The following MALRD1 variants were observed in gnomAD, a reference collection of about 807,000 sequenced individuals.
MALRD1 encodes the protein MAM and LDL-receptor class A domain-containing protein 1.
MALRD1 carries 247 observed loss-of-function variants against 242.1 expected under a neutral mutation model. The observed-to-expected ratio is 1.02, with a 90% CI of 0.92 to 1.13. The LOEUF is 1.13. Ranked by LOEUF, MALRD1 falls within the 50% of genes most tolerant of loss-of-function variation. The pLI, the probability that MALRD1 is intolerant of heterozygous loss-of-function variation, is 0.00. For synonymous variants in MALRD1, 995 were observed against 866.6 expected, an observed-to-expected ratio of 1.15 and a Z score of -2.60; for missense variants, 2,989 against 2,533.1, an observed-to-expected ratio of 1.18 and a Z score of -3.86.
At position 19,157,449 on chromosome 10, in the gene MALRD1, A is replaced by G. The variant is rs553460576; in HGVS notation, c.1656+2277A>G. Among the ~76,000 whole-genome samples, 53 of 151,954 alleles carry G rather than the reference A, an allele frequency of 3.5e-4. No homozygotes were observed. In the South Asian group the frequency reaches 6.2e-3, roughly 18 times the overall value. ...TTTTTAGTGGAGTCGGGGTTTCACC[A>G]TGTTATCCAGGATGGTCTCGATCTC... is the stretch of plus-strand genomic sequence containing the variant. On this transcript the variant is annotated intron_variant, in intron 12 of 39. Coordinates refer to ENST00000454679, the MANE Select transcript of MALRD1 (RefSeq NM_001142308.3).
intron 29 of MALRD1, among the ~76,000 whole-genome samples, chr10:19,471,142 T>C (rs1015383263): frequency 6.6e-6 from 1 of 151,918 alleles, no homozygotes; most frequent in African/African-American, 2.4e-5. Context: ...TGCATTCTTG[T>C]GCATGTGGGT....
Position 19,679,700 on chromosome 10 carries a change from G to A in MALRD1, c.6138-12582G>A, listed in dbSNP as rs558722795. Among the ~76,000 whole-genome samples, 4 of 151,556 alleles carry A rather than the reference G, an allele frequency of 2.6e-5. No individual in the cohort carries two copies. The South Asian group carries it at 8.3e-4, about 32-fold the overall frequency. Reference sequence around the variant, plus strand: ...TATTTCTTGTCTTCTGCTAGCTTTGGGTTTTTTTTCCTCTTGGTTCTCTAG... The same window carrying A: ...TATTTCTTGTCTTCTGCTAGCTTTGAGTTTTTTTTCCTCTTGGTTCTCTAG... On this transcript the variant is annotated intron_variant, in intron 36 of 39. Transcript: ENST00000454679.
chr10:19,523,606 C>T (rs12248285), intron 31 of MALRD1, among the ~76,000 whole-genome samples: 5,793 of 152,186 alleles, frequency 0.038, 212 homozygotes, highest in African/African-American at 0.097. Context: ...AGAGGTTTTT[C>T]AGGGTTCTTT....
intron 32 of MALRD1, among the ~76,000 whole-genome samples, chr10:19,534,312 A>T (rs535503420): frequency 5.3e-5 from 8 of 152,232 alleles, no homozygotes; most frequent in African/African-American, 1.7e-4. Flanking sequence ...ACAGATGAAA[A>T]CCTTCCTAAG....
At position 19,259,505 on chromosome 10, in the gene MALRD1, A is replaced by T. The variant is rs570785374; in HGVS notation, c.3079+1734A>T. Among the ~76,000 whole-genome samples the T allele has an allele frequency of 8.1e-4, 124 of 152,332 alleles. No individual in the cohort carries two copies. The South Asian group carries it at 0.017, about 21-fold the overall frequency. On this transcript the variant is annotated intron_variant, in intron 19 of 39. Coordinates refer to ENST00000454679, the MANE Select transcript of MALRD1 (RefSeq NM_001142308.3). ...AGTTATAGGCAAAGAGAGTGTGTAC[A>T]GGGTAACTCCCCTTTATAAAACTAT...
intron 28 of MALRD1, among the ~76,000 whole-genome samples, chr10:19,413,692 A>G (rs1472418268): frequency 1.3e-5 from 2 of 151,810 alleles, no homozygotes; most frequent in Admixed American, 6.6e-5. Flanking sequence ...GTTTTTTTTA[A>G]ATGATTTTAG....
intron 38 of MALRD1, among the ~76,000 whole-genome samples, chr10:19,706,075 A>G (rs1833852520): frequency 6.6e-6 from 1 of 152,178 alleles, no homozygotes; most frequent in South Asian, 2.1e-4. Flanking sequence ...GGATGAATTC[A>G]CAGGGCTGTA....
chr10:19,556,063 C>T lies in MALRD1; in HGVS notation c.5479-11439C>T, dbSNP rs375462562. 5.9e-5 allele frequency among the ~76,000 whole-genome samples: 9 copies of T among 152,224 alleles called. No homozygotes were observed. The South Asian group carries it at 8.3e-4, about 14-fold the overall frequency. ...GAAATAAGGAAAATTCTCTCACCAG[C>T]GCTATCATTTCTGTACTGTGTATTT... On this transcript the variant is annotated intron_variant, in intron 32 of 39. Coordinates refer to ENST00000454679, the MANE Select transcript of MALRD1 (RefSeq NM_001142308.3).
chr10:19,438,837 C>T (rs1247703104), intron 28 of MALRD1, among the ~76,000 whole-genome samples: 1 of 152,130 alleles, frequency 6.6e-6, no homozygotes, highest in Non-Finnish European at 1.5e-5. Context: ...TCTTTGTAGA[C>T]TGCAGTGTGA....
intron 21 of MALRD1, among the ~76,000 whole-genome samples, chr10:19,301,976 G>C (rs1217255277): frequency 1.3e-5 from 2 of 151,558 alleles, no homozygotes; most frequent in African/African-American, 4.9e-5. Flanking sequence ...TTTTTCCAAA[G>C]AAGTTATACA....
At chr10:19,695,251 A>G (rs1020873782) in intron 38 of MALRD1, among the ~76,000 whole-genome samples, 42 of 152,222 alleles carry the variant, frequency 2.8e-4, no homozygotes, top group African/African-American at 8.2e-4. Flanking sequence ...TGAAATATTT[A>G]TATATGACAT....
At chr10:19,501,809 A>G (rs1837985188) in intron 31 of MALRD1, among the ~76,000 whole-genome samples, 1 of 152,078 alleles carries the variant, frequency 6.6e-6, no homozygotes, top group Non-Finnish European at 1.5e-5. Flanking sequence ...AGGCAGGAGG[A>G]TTGCTTGAAC....
At chr10:19,096,773 C>G (rs1588537287) in intron 4 of MALRD1, among the ~76,000 whole-genome samples, 1 of 152,196 alleles carries the variant, frequency 6.6e-6, no homozygotes, top group African/African-American at 2.4e-5. Flanking sequence ...ATGCTGGCTT[C>G]TAATAGCTTA....
intron 36 of MALRD1, among the ~76,000 whole-genome samples, chr10:19,635,405 G>A (rs1840083993): frequency 6.6e-6 from 1 of 151,930 alleles, no homozygotes; most frequent in Non-Finnish European, 1.5e-5. Flanking sequence ...AACAAAAAGA[G>A]TTAAAAAGTT....
intron 29 of MALRD1, among the ~76,000 whole-genome samples, chr10:19,477,929 T>C (rs1025848353): frequency 6.6e-6 from 1 of 152,172 alleles, no homozygotes; most frequent in South Asian, 2.1e-4. Flanking sequence ...AGCTGCCATG[T>C]TGAACATGCC....
At chr10:19,097,696 C>A (rs1836093648) in intron 4 of MALRD1, among the ~76,000 whole-genome samples, 1 of 152,076 alleles carries the variant, frequency 6.6e-6, no homozygotes, top group African/African-American at 2.4e-5. Context: ...TTCCTAGCCT[C>A]TAGATGTTTA....
rs112603665 is a variant in MALRD1, at chr10:19,118,005, G to T, written c.695-5487G>T. Among the ~76,000 whole-genome samples the T allele has an allele frequency of 6.6e-3, 1,003 of 152,168 alleles. 10 individuals carry two copies. Among genetic ancestry groups the T allele is most frequent in the African/African-American group, 0.023 (967 of 41,514 alleles). ...TACAATTTAGTCAGGGAGAAAAATG[G>T]CACTAAGCAAATAAATAAAAAATAT... On this transcript the variant is annotated intron_variant, in intron 5 of 39. Coordinates refer to ENST00000454679, the MANE Select transcript of MALRD1 (RefSeq NM_001142308.3).
intron 26 of MALRD1, among the ~76,000 whole-genome samples, chr10:19,380,851 T>C (rs1845804854): frequency 6.6e-6 from 1 of 152,194 alleles, no homozygotes; most frequent in Non-Finnish European, 1.5e-5. Flanking sequence ...TGTAACATCT[T>C]AGGTTTTTCT....
rs554588166 is a variant in MALRD1, at chr10:19,216,483, C to T, written c.2991+6803C>T. On this transcript the variant is annotated intron_variant, in intron 18 of 39. Coordinates refer to ENST00000454679, the MANE Select transcript of MALRD1 (RefSeq NM_001142308.3). Reference sequence around the variant, plus strand: ...TTCTCTCCTTTCTCCTACTTTCCTCCCCACTCCCTGTTTCCTTCCTTTCAT... The same window carrying T: ...TTCTCTCCTTTCTCCTACTTTCCTCTCCACTCCCTGTTTCCTTCCTTTCAT... 3.9e-3 allele frequency among the ~76,000 whole-genome samples: 596 copies of T among 152,158 alleles called. 1 individual carries two copies. The highest frequency in any genetic ancestry group is 5.9e-3 in the Non-Finnish European group (401 of 67,998).
Sources: gnomAD v4.1 joint callset for allele counts (sites outside exome capture counted in the v4.1 genomes callset) on GRCh38, gnomAD v4.1.1 for gene constraint, MANE v1.5 for transcripts, NCBI Gene and HGNC (gene_info 2026-07-23, HGNC 2026-07-21) for gene names.